The following EPS8 variants were observed in gnomAD, a reference collection of about 807,000 sequenced individuals.
The protein encoded by EPS8 is epidermal growth factor receptor kinase substrate 8.
Under a neutral mutation model 103.8 loss-of-function variants are expected in EPS8, and 42 were observed. The observed-to-expected ratio is 0.40, with a 90% CI of 0.32 to 0.52. The LOEUF (loss-of-function observed/expected upper bound fraction) is 0.52, where lower values mean the gene tolerates loss of function less well. Ranked by LOEUF, EPS8 falls within the 20% of genes least tolerant of loss-of-function variation. EPS8 has a pLI of 0.40. For synonymous variants in EPS8, 344 were observed against 344.6 expected (o/e 1.00, Z 0.02); for missense variants, 969 against 1,005.1 (o/e 0.96, Z 0.49).
At chr12:15,652,573 T>A (rs946999585) in intron 13 of EPS8, among the ~76,000 whole-genome samples, 5 of 152,182 alleles carry the variant, frequency 3.3e-5, no homozygotes, top group African/African-American at 1.2e-4. Context: ...GTACAACTAT[T>A]AATAATGTAT....
At chr12:15,730,892 AAAAG>A (rs1946708389) in intron 1 of EPS8, among the ~76,000 whole-genome samples, 1 of 152,186 alleles carries the variant, frequency 6.6e-6, no homozygotes, top group African/African-American at 2.4e-5. Flanking sequence ...AACTAAAAAA[AAAAG>A]AGATACAAAT....
At chr12:15,732,442 C>T (rs1731226308) in intron 1 of EPS8, among the ~76,000 whole-genome samples, 3 of 152,126 alleles carry the variant, frequency 2.0e-5, no homozygotes, top group Admixed American at 2.0e-4. Context: ...ATTTTATATA[C>T]ACTATCTCAT....
rs1267318256 is a variant in EPS8, at chr12:15,690,381, G to A, written c.-21-7409C>T. Among the ~76,000 whole-genome samples the A allele has an allele frequency of 6.6e-6, 1 of 151,890 alleles. No individual in the cohort carries two copies. Among genetic ancestry groups the A allele is most frequent in the Non-Finnish European group, 1.5e-5 (1 of 67,962 alleles). On this transcript the variant is annotated intron_variant, in intron 1 of 20. Coordinates refer to ENST00000281172, the MANE Select transcript of EPS8 (RefSeq NM_004447.6). This position sits in a 1 kb window ranked among gnomAD's most constrained non-coding sequence, Gnocchi z 4.7. ...GCATAAGAATTCTATTTTTTTAAAG[G>A]TTAACTAAATCTTTCTAGTGTATTA...
intron 1 of EPS8, among the ~76,000 whole-genome samples, chr12:15,712,106 G>A (rs558397347): frequency 1.3e-5 from 2 of 152,028 alleles, no homozygotes; most frequent in Non-Finnish European, 2.9e-5. Flanking sequence ...TGAATTACAT[G>A]TTTGTCACTA....
chr12:15,644,419 G>C (rs1444343434), intron 15 of EPS8, among the ~76,000 whole-genome samples: 1 of 152,080 alleles, frequency 6.6e-6, no homozygotes, highest in Non-Finnish European at 1.5e-5. Context: ...AATTTGCCAG[G>C]CGTGGTGGCT....
chr12:15,715,398 T>TTC lies in EPS8; in HGVS notation c.-21-32427_-21-32426insGA. On this transcript the variant is annotated intron_variant, in intron 1 of 20. Transcript: ENST00000281172. ...TTTTTTTTTTTCTTTACTTTTCTTT[T>TTC]TTTTTTTTTTTTGAGATGGAGTTTC... Among the ~76,000 whole-genome samples the TTC allele has an allele frequency of 1.4e-5, 2 of 143,170 alleles. 1 individual carries two copies. Among genetic ancestry groups the TTC allele is most frequent in the East Asian group, 4.1e-4 (2 of 4,934 alleles). 93.9% of individuals were successfully genotyped at this position (143,170 alleles called of 152,430 possible).
intron 20 of EPS8, 27 bp from the exon 21 acceptor site, chr12:15,621,457 T>C (rs761832822): frequency 2.4e-5 from 31 of 1,317,014 alleles, no homozygotes; most frequent in South Asian, 3.7e-5. Flanking sequence ...TCAGACAAGA[T>C]AGTTACTGAC....
intron 1 of EPS8, among the ~76,000 whole-genome samples, chr12:15,719,150 T>C (rs1264983030): frequency 6.6e-6 from 1 of 152,114 alleles, no homozygotes; most frequent in Non-Finnish European, 1.5e-5. Context: ...CCAAAGCATG[T>C]ACCTATTGAA....
intron 1 of EPS8, among the ~76,000 whole-genome samples, chr12:15,763,686 C>T (rs1947064412): frequency 6.6e-6 from 1 of 152,172 alleles, no homozygotes; most frequent in Admixed American, 6.5e-5. Flanking sequence ...TATATATGCA[C>T]ACGCTGCATG....
intron 1 of EPS8, among the ~76,000 whole-genome samples, chr12:15,743,446 C>T (rs1252818558): frequency 6.6e-6 from 1 of 152,164 alleles, no homozygotes; most frequent in Non-Finnish European, 1.5e-5. Flanking sequence ...AAAGAGCCCG[C>T]ATTGCCAAGA....
intron 1 of EPS8, among the ~76,000 whole-genome samples, chr12:15,710,908 G>A (rs918880734): frequency 4.0e-5 from 6 of 151,898 alleles, no homozygotes; most frequent in Non-Finnish European, 7.4e-5. Flanking sequence ...TCACTCTGTC[G>A]CCCTTGCTGG....
In EPS8 at chr12:15,777,836, G is replaced by A. The variant is rs1289704169; in HGVS notation, c.-22+11325C>T. Among the ~76,000 whole-genome samples, 1 of 152,186 alleles carries A rather than the reference G, an allele frequency of 6.6e-6. No individual in the cohort carries two copies. The highest frequency in any genetic ancestry group is 1.5e-5 in the Non-Finnish European group (1 of 68,036). On this transcript the variant is annotated intron_variant, in intron 1 of 20. Transcript: ENST00000281172. The surrounding 1 kb of genome is among the most constrained non-coding windows in gnomAD (Gnocchi z 4.7). ...TGGTTATTTATCTGCTTCAAGAGTT[G>A]TAAAAGACTATTTTCTTGACAAGAC...
At chr12:15,643,184 A>T (rs1361169179) in intron 15 of EPS8, among the ~76,000 whole-genome samples, 4 of 152,162 alleles carry the variant, frequency 2.6e-5, no homozygotes, top group Non-Finnish European at 5.9e-5. Context: ...GAAAACAGTA[A>T]TTTTAGTGTT....
chr12:15,762,604 A>G lies in EPS8; in HGVS notation c.-22+26557T>C, dbSNP rs1591926718. On this transcript the variant is annotated intron_variant, in intron 1 of 20. Coordinates refer to ENST00000281172, the MANE Select transcript of EPS8 (RefSeq NM_004447.6). The surrounding 1 kb of genome is among the most constrained non-coding windows in gnomAD (Gnocchi z 4.8). ...ATACACAATGGAGTACTATTCATAA[A>G]ATGAATCCTGTCATTTGCAACAATA... 6.6e-6 allele frequency among the ~76,000 whole-genome samples: 1 copy of G among 152,196 alleles called. No homozygotes were observed. Among genetic ancestry groups the G allele is most frequent in the East Asian group, 1.9e-4 (1 of 5,192 alleles).
chr12:15,677,735 G>T (rs146832837), intron 3 of EPS8, among the ~76,000 whole-genome samples: 1,598 of 152,222 alleles, frequency 0.01, 11 homozygotes, highest in Middle Eastern at 0.017. Context: ...TTGCAGATGT[G>T]GTTTCTTTCT....
At position 15,693,066 on chromosome 12, in the gene EPS8, T is replaced by C. The variant is rs1351918322; in HGVS notation, c.-21-10094A>G. 6.6e-6 allele frequency among the ~76,000 whole-genome samples: 1 copy of C among 152,138 alleles called. No individual in the cohort carries two copies. Among genetic ancestry groups the C allele is most frequent in the Non-Finnish European group, 1.5e-5 (1 of 68,012 alleles). On this transcript the variant is annotated intron_variant, in intron 1 of 20. Transcript: ENST00000281172. The surrounding 1 kb of genome is among the most constrained non-coding windows in gnomAD (Gnocchi z 5.6). ...ATTACTCATATTGAAGATGAAGCCC[T>C]AAAAAGGTGGCAAGAAAGTCAGTGT...
intron 15 of EPS8, among the ~76,000 whole-genome samples, chr12:15,642,448 G>T (rs1945249002): frequency 6.6e-6 from 1 of 152,036 alleles, no homozygotes; most frequent in African/African-American, 2.4e-5. Flanking sequence ...TTTAAAAAGT[G>T]TATGGGCCTC....
At chr12:15,623,762 G>A (rs532216174) in intron 19 of EPS8, among the ~76,000 whole-genome samples, 55 of 152,188 alleles carry the variant, frequency 3.6e-4, no homozygotes, top group African/African-American at 1.3e-3. Context: ...CTTTACTATG[G>A]GTTTATTAAA....
rs149329891 is a variant in EPS8 at position 15,786,848 on chromosome 12, G to A, written c.-22+2313C>T. Among the ~76,000 whole-genome samples, 62 of 152,170 alleles carry A rather than the reference G, an allele frequency of 4.1e-4. No individual in the cohort carries two copies. In the East Asian group the frequency reaches 0.012, roughly 29 times the overall value. ...TAACAGCTGCAAACAATTTCATGTA[G>A]TATTAATAATTCCCAGGAGGGATTT... is the stretch of plus-strand genomic sequence containing the variant. On this transcript the variant is annotated intron_variant, in intron 1 of 20. Coordinates refer to ENST00000281172, the MANE Select transcript of EPS8 (RefSeq NM_004447.6).
Sources: gnomAD v4.1 joint callset for allele counts (sites outside exome capture counted in the v4.1 genomes callset) on GRCh38, gnomAD v4.1.1 for gene constraint, Gnocchi (gnomAD v3.1) non-coding constraint, MANE v1.5 for transcripts, NCBI Gene and HGNC (gene_info 2026-07-23, HGNC 2026-07-21) for gene names.